ZNF3: variants seen among roughly 807,000 people sequenced by gnomAD.
ZNF3 encodes C2-H2 type zinc finger protein.
A neutral mutation model predicts 36.9 loss-of-function variants in ZNF3; 16 were observed. That is an observed-to-expected ratio of 0.43 (90% CI 0.29 to 0.66). The LOEUF (loss-of-function observed/expected upper bound fraction) is 0.66. Among genes scored for constraint, ZNF3 ranks in the 30% least tolerant of loss-of-function variants. The pLI is 0.13. For missense variants in ZNF3, 462 were observed against 543.1 expected, an observed-to-expected ratio of 0.85 and a Z score of 1.48; for synonymous variants, 201 against 201.9, an observed-to-expected ratio of 1.00 and a Z score of 0.04.
chr7:100,071,435 C>T lies in ZNF3; in HGVS notation c.1049G>A (p.Ser350Asn). The T allele has an allele frequency of 6.2e-7, 1 of 1,614,202 alleles. No individual in the cohort carries two copies. Among genetic ancestry groups the T allele is most frequent in the Non-Finnish European group, 8.5e-7 (1 of 1,180,032 alleles). Residue 350 changes from serine (S) to asparagine (N), a missense_variant, in exon 6 of 6, where the codon AGC (serine) becomes AAC (asparagine). By Grantham distance (46) the Ser-to-Asn change is conservative. Transcript: ENST00000299667. ...GTGCTGATAGAGGTGTGAGCTCTGG[C>T]TGAAGGCTTTCCCACATTCATTACA... The part of the protein sequence containing the change: ...YECNECGKAF[S>N]QSSHLYQHQR...
In ZNF3 at chr7:100,070,916, C is replaced by A. The variant is rs561936006; in HGVS notation, c.*227G>T. 3.8e-5 allele frequency: 50 copies of A among 1,329,686 alleles called. No homozygotes were observed. In the East Asian group the frequency reaches 1.0e-3, roughly 27 times the overall value. 82.4% of individuals were successfully genotyped at this position (1,329,686 alleles called of 1,614,324 possible). ...CAAACTCCTTTCCTAAATGGGGTAA[C>A]TGGTCCCAGAGCTGCTTTCTATTCC... On this transcript the variant is annotated 3_prime_UTR_variant, in exon 6 of 6. Transcript: ENST00000299667.
At chr7:100,074,702 T>A (rs1488926115) in intron 5 of ZNF3, among the ~76,000 whole-genome samples, 1 of 152,138 alleles carries the variant, frequency 6.6e-6, no homozygotes, top group African/African-American at 2.4e-5. Context: ...TATAAATGAG[T>A]TAAGATTATT....
At chr7:100,069,956 CA>C, downstream of ZNF3, 1 of 985,890 alleles carries the variant, frequency 1.0e-6, no homozygotes, top group Non-Finnish European at 1.2e-6. Context: ...AAACATTGCA[CA>C]AAACCACACT....
At chr7:100,080,431 C>G (rs1034777721) in intron 1 of ZNF3, among the ~76,000 whole-genome samples, 1 of 151,812 alleles carries the variant, frequency 6.6e-6, no homozygotes, top group Non-Finnish European at 1.5e-5. Context: ...GAGTTCCAGG[C>G]TATGGTGAGC....
exon 6 of ZNF3, chr7:100,064,858 C>G (rs1562852819): frequency 2.5e-6 from 4 of 1,613,516 alleles, no homozygotes; most frequent in Middle Eastern, 1.6e-4. Flanking sequence ...ACTTAGGGTC[C>G]CAGTAAGCCA....
At chr7:100,067,787 T>C (rs1792724310), downstream of ZNF3, among the ~76,000 whole-genome samples, 1 of 152,144 alleles carries the variant, frequency 6.6e-6, no homozygotes, top group African/African-American at 2.4e-5. Flanking sequence ...CTACCATCAC[T>C]TGCAAATCCC....
chr7:100,064,237 C>T (rs1792511397), exon 6 of ZNF3: 3 of 1,614,118 alleles, frequency 1.9e-6, no homozygotes, highest in Non-Finnish European at 2.5e-6. Flanking sequence ...CTCAGACCTT[C>T]TTAAACATCA....
intron 4 of ZNF3, 55 bp downstream of exon 4, chr7:100,075,487 G>C: frequency 1.3e-6 from 2 of 1,597,252 alleles, no homozygotes; most frequent in South Asian, 2.2e-5. Flanking sequence ...GCTCTGAATG[G>C]GATGTCATTG....
In ZNF3 at chr7:100,071,247, G is replaced by C; in HGVS notation, c.1237C>G (p.Arg413Gly). The C allele has an allele frequency of 6.2e-7, 1 of 1,614,210 alleles. No individual in the cohort carries two copies. The highest frequency in any genetic ancestry group is 8.5e-7 in the Non-Finnish European group (1 of 1,180,034). ...TCTCCAGTGTGAATTCTCTGATGGC[G>C]AACAAGAGCCGAGCTGTACCTGAAG... is the stretch of plus-strand genomic sequence containing the variant. Reference protein sequence around the residue: ...KAFRYSSALVRHQRIHTGEKP... With the variant: ...KAFRYSSALVGHQRIHTGEKP... The change falls in exon 6 of 6, where the codon CGC (arginine) becomes GGC (glycine). Residue 413 changes from arginine (R) to glycine (G), a missense_variant. Transcript: ENST00000299667.
chr7:100,067,457 CA>C (rs891397980), downstream of ZNF3, among the ~76,000 whole-genome samples: 29 of 152,130 alleles, frequency 1.9e-4, no homozygotes, highest in African/African-American at 7.0e-4. Context: ...TTCAGAGAGA[CA>C]GGGGTCTCAT....
chr7:100,080,982 T>C (rs1794913846), intron 1 of ZNF3, among the ~76,000 whole-genome samples: 1 of 152,198 alleles, frequency 6.6e-6, no homozygotes, highest in Non-Finnish European at 1.5e-5. Context: ...CTCTGCTATC[T>C]TCTCCTGGAG....
intron 3 of ZNF3, 92 bp from the exon 4 acceptor site, chr7:100,075,722 T>A (rs1793988712): frequency 8.1e-7 from 1 of 1,233,720 alleles, no homozygotes; most frequent in South Asian, 1.3e-5. Flanking sequence ...GCTCCCGGGG[T>A]CCTGGGACAA....
At chr7:100,068,272 A>G (rs548793198), downstream of ZNF3, among the ~76,000 whole-genome samples, 5 of 152,098 alleles carry the variant, frequency 3.3e-5, no homozygotes, top group African/African-American at 1.2e-4. Flanking sequence ...TAGTAGAGAC[A>G]GAGTTTTACC....
chr7:100,068,089 G>GT (rs368255892), downstream of ZNF3, among the ~76,000 whole-genome samples: 1 of 152,074 alleles, frequency 6.6e-6, no homozygotes, highest in South Asian at 2.1e-4. Flanking sequence ...ACATGGGCAG[G>GT]TTTTTTTCTT....
chr7:100,076,184 G>A (rs1283537386), intron 3 of ZNF3, among the ~76,000 whole-genome samples: 2 of 151,736 alleles, frequency 1.3e-5, no homozygotes, highest in African/African-American at 4.8e-5. Context: ...CCCCAGCCCT[G>A]ACTGGAAACA....
chr7:100,069,474 C>T (rs1792818857), downstream of ZNF3, among the ~76,000 whole-genome samples: 1 of 150,644 alleles, frequency 6.6e-6, no homozygotes, highest in South Asian at 2.1e-4. Context: ...AGTGCTTGAA[C>T]CCGGGAGGCA....
In ZNF3 at chr7:100,071,312, G is replaced by T. The variant is rs1562861737; in HGVS notation, c.1172C>A (p.Thr391Asn). Reference sequence around the variant, plus strand: ...ACTACATTCATAGGGGTTCTCCCCGGTGTGGATTCTTTGATGCTGAATAAG... The same window carrying T: ...ACTACATTCATAGGGGTTCTCCCCGTTGTGGATTCTTTGATGCTGAATAAG... ...SGLIQHQRIHTGENPYECSEC... is the reference protein window; with the variant it reads ...SGLIQHQRIHNGENPYECSEC... The change falls in exon 6 of 6, where the codon ACC (threonine) becomes AAC (asparagine). Residue 391 changes from threonine (T) to asparagine (N), a missense_variant. Physicochemically the swap from Thr to Asn is moderately conservative, Grantham distance 65. Transcript: ENST00000299667. The T allele has an allele frequency of 6.2e-7, 1 of 1,614,234 alleles. No individual in the cohort carries two copies.
At position 100,070,784 on chromosome 7, in the gene ZNF3, G is replaced by A; in HGVS notation, c.*359C>T. The stretch of plus-strand genomic sequence containing the variant: ...GAGCGTCCTTTCCACTGCTGTCTGT[G>A]CTGACTACGCGGACTCCAACTAAAG... On this transcript the variant is annotated 3_prime_UTR_variant, in exon 6 of 6. Transcript: ENST00000299667. The A allele has an allele frequency of 9.6e-7, 1 of 1,046,168 alleles. No individual in the cohort carries two copies. The allele number at this position is 1,046,168 out of a possible 1,614,324, so 64.8% of individuals were successfully genotyped here. A position where few individuals can be genotyped will look rare whatever the true frequency, so the allele number is the denominator to read the frequency against.
At chr7:100,067,661 CA>C (rs1792718833), downstream of ZNF3, among the ~76,000 whole-genome samples, 1 of 152,090 alleles carries the variant, frequency 6.6e-6, no homozygotes, top group African/African-American at 2.4e-5. Context: ...CTTACCCTCC[CA>C]GAGTGCTGAG....
Sources: gnomAD v4.1 joint callset for allele counts (sites outside exome capture counted in the v4.1 genomes callset) on GRCh38, gnomAD v4.1.1 for gene constraint, MANE v1.5 for transcripts, NCBI Gene and HGNC (gene_info 2026-07-23, HGNC 2026-07-21) for gene names.